Variants in GRB2 observed in about 807,000 individuals in gnomAD.
GRB2 encodes growth factor receptor-bound protein 2.
GRB2 carries 2 observed loss-of-function variants against 27.4 expected under a neutral mutation model. The ratio of observed to expected loss-of-function variants is 0.07; its 90% confidence interval spans 0.03 to 0.23. The LOEUF (loss-of-function observed/expected upper bound fraction) is 0.23, where lower values mean the gene tolerates loss of function less well. Ranked by LOEUF, GRB2 falls within the 10% of genes least tolerant of loss-of-function variation. GRB2 has a pLI of 1.00. For synonymous variants in GRB2, 94 were observed against 99.6 expected, an observed-to-expected ratio of 0.94 and a Z score of 0.33; for missense variants, 102 against 282.4, an observed-to-expected ratio of 0.36 and a Z score of 4.58.
chr17:75,379,537 T>C (rs1193275970), intron 2 of GRB2, among the ~76,000 whole-genome samples: 2 of 152,112 alleles, frequency 1.3e-5, no homozygotes, highest in Non-Finnish European at 2.9e-5. Flanking sequence ...TAGCTGGAAC[T>C]ACAGGCATGC....
chr17:75,369,480 T>C (rs939603180), intron 2 of GRB2, among the ~76,000 whole-genome samples: 3 of 152,132 alleles, frequency 2.0e-5, no homozygotes, highest in African/African-American at 7.2e-5. Flanking sequence ...ATTCCTTTGC[T>C]GCTCTGAGCT....
chr17:75,356,651 C>A (rs938981553), intron 2 of GRB2, among the ~76,000 whole-genome samples: 1 of 152,174 alleles, frequency 6.6e-6, no homozygotes, highest in Non-Finnish European at 1.5e-5. Flanking sequence ...CTTCCAAGCA[C>A]GATTCCGCTC....
chr17:75,378,692 G>A (rs1428519265), intron 2 of GRB2, among the ~76,000 whole-genome samples: 1 of 152,202 alleles, frequency 6.6e-6, no homozygotes, highest in Non-Finnish European at 1.5e-5. Flanking sequence ...AGCAGATACA[G>A]TGTGACTTTC....
At chr17:75,356,910 G>A (rs1004489066) in intron 2 of GRB2, among the ~76,000 whole-genome samples, 1 of 152,104 alleles carries the variant, frequency 6.6e-6, no homozygotes, top group African/African-American at 2.4e-5. Context: ...TAAACATTCA[G>A]GTGCCCCAAG....
intron 4 of GRB2, among the ~76,000 whole-genome samples, chr17:75,324,366 A>ATT (rs1156329058): frequency 4.2e-3 from 392 of 93,588 alleles, no homozygotes; most frequent in Non-Finnish European, 5.6e-3. Context: ...CCATTTTTGT[A>ATT]TTTTTTTTTT....
chr17:75,340,980 C>T (rs954951376), intron 2 of GRB2, among the ~76,000 whole-genome samples: 2 of 152,146 alleles, frequency 1.3e-5, no homozygotes, highest in South Asian at 4.1e-4. Flanking sequence ...CTCACATATG[C>T]CGAGCAGATC....
At chr17:75,355,599 T>C (rs1269088639) in intron 2 of GRB2, among the ~76,000 whole-genome samples, 3 of 148,890 alleles carry the variant, frequency 2.0e-5, no homozygotes, top group African/African-American at 7.4e-5. Flanking sequence ...TAATGATAGC[T>C]GATGAGCTTA....
chr17:75,322,681 G>A (rs1177246074), intron 4 of GRB2, among the ~76,000 whole-genome samples: 1 of 152,082 alleles, frequency 6.6e-6, no homozygotes, highest in Non-Finnish European at 1.5e-5. Flanking sequence ...TCCATCACTA[G>A]ATCACACCCT....
intron 2 of GRB2, among the ~76,000 whole-genome samples, chr17:75,354,522 T>C (rs2078717809): frequency 6.6e-6 from 1 of 152,086 alleles, no homozygotes; most frequent in Non-Finnish European, 1.5e-5. Context: ...ACGCGAGGGA[T>C]CTAGGTTGCC....
intron 2 of GRB2, among the ~76,000 whole-genome samples, chr17:75,334,604 T>C (rs915097778): frequency 6.6e-6 from 1 of 152,040 alleles, no homozygotes; most frequent in Non-Finnish European, 1.5e-5. Flanking sequence ...ATTTGTAAAT[T>C]AGGCACAGTA....
chr17:75,333,386 T>G (rs1390724302), intron 2 of GRB2, among the ~76,000 whole-genome samples: 1 of 152,144 alleles, frequency 6.6e-6, no homozygotes, highest in Admixed American at 6.5e-5. Flanking sequence ...AGTTTTTTTG[T>G]TTGGTTTGGT....
chr17:75,370,732 C>T (rs1329785662), intron 2 of GRB2, among the ~76,000 whole-genome samples: 1 of 152,198 alleles, frequency 6.6e-6, no homozygotes, highest in Non-Finnish European at 1.5e-5. Context: ...GGCACTTTCC[C>T]TAGGGCTATG....
At chr17:75,326,291 G>C (rs951154538) in intron 3 of GRB2, 7 of 437,968 alleles carry the variant, frequency 1.6e-5, no homozygotes, top group Non-Finnish European at 3.0e-5. Flanking sequence ...TTTGAAAATG[G>C]GCCCCCCAGG....
At chr17:75,351,627 T>C (rs1233012879) in intron 2 of GRB2, among the ~76,000 whole-genome samples, 2 of 151,840 alleles carry the variant, frequency 1.3e-5, no homozygotes. Flanking sequence ...CACCCCAATC[T>C]GGGTGACAGA....
intron 2 of GRB2, among the ~76,000 whole-genome samples, chr17:75,341,836 C>CTTAA (rs1477251744): frequency 1.3e-5 from 2 of 152,158 alleles, no homozygotes; most frequent in Non-Finnish European, 2.9e-5. Flanking sequence ...GGCAACAACG[C>CTTAA]TTAAGTGCTC....
chr17:75,396,080 C>T (rs1023349686), intron 1 of GRB2, among the ~76,000 whole-genome samples: 10 of 151,748 alleles, frequency 6.6e-5, no homozygotes, highest in African/African-American at 2.4e-4. Context: ...TCAAGTGATC[C>T]GCCCACTTTG....
intron 1 of GRB2, among the ~76,000 whole-genome samples, chr17:75,399,064 T>C (rs1040643990): frequency 6.6e-6 from 1 of 152,046 alleles, no homozygotes; most frequent in Non-Finnish European, 1.5e-5. Context: ...CTTTTATTAT[T>C]TGAGACAGAG....
chr17:75,336,997 C>G (rs1351450746), intron 2 of GRB2, among the ~76,000 whole-genome samples: 14 of 152,182 alleles, frequency 9.2e-5, no homozygotes, highest in Non-Finnish European at 1.5e-5. Context: ...CTTGGCCTCT[C>G]AAAGTGCTGG....
rs2078449549 is a variant in GRB2 at position 75,320,280 on chromosome 17, A to G, written c.*88T>C. The G allele has an allele frequency of 2.6e-6, 3 of 1,170,734 alleles. No homozygotes were observed. Among genetic ancestry groups the G allele is most frequent in the Admixed American group, 1.8e-5 (1 of 56,720 alleles). The allele number at this position is 1,170,734 out of a possible 1,614,324, so 72.5% of individuals were successfully genotyped here. On this transcript the variant is annotated 3_prime_UTR_variant, in exon 6 of 6. Coordinates refer to ENST00000316804, the MANE Select transcript of GRB2 (RefSeq NM_002086.5). The surrounding 1 kb of genome is among the most constrained non-coding windows in gnomAD (Gnocchi z 4.3). ...GGCCAGGTGTTCTGCACTCCCTCACAGGCTGCTGTCAGAGGCAGCTTGTGG... is the reference window on the plus strand; with the variant it reads ...GGCCAGGTGTTCTGCACTCCCTCACGGGCTGCTGTCAGAGGCAGCTTGTGG...
Sources: gnomAD v4.1 joint callset for allele counts (sites outside exome capture counted in the v4.1 genomes callset) on GRCh38, gnomAD v4.1.1 for gene constraint, Gnocchi (gnomAD v3.1) non-coding constraint, MANE v1.5 for transcripts, NCBI Gene and HGNC (gene_info 2026-07-23, HGNC 2026-07-21) for gene names.